The following ECT2L variants were observed in gnomAD, a reference collection of about 807,000 sequenced individuals.
ECT2L encodes the protein epithelial cell transforming 2 like.
In ECT2L, 126 loss-of-function variants were observed where a neutral mutation model predicts 122.8. The observed-to-expected ratio is 1.03, with a 90% CI of 0.89 to 1.19. The LOEUF (loss-of-function observed/expected upper bound fraction) is 1.19. Ranked by LOEUF, ECT2L falls within the 50% of genes most tolerant of loss-of-function variation. The pLI is 0.00. For synonymous variants in ECT2L, 385 were observed against 381.8 expected (o/e 1.01, Z -0.10); for missense variants, 1,012 against 1,064.1 (o/e 0.95, Z 0.68).
At chr6:138,837,524 A>G (rs1157857162) in intron 4 of ECT2L, among the ~76,000 whole-genome samples, 1 of 152,146 alleles carries the variant, frequency 6.6e-6, no homozygotes, top group African/African-American at 2.4e-5. Context: ...TGTCAAAAGA[A>G]GGATTAAATA....
At chr6:138,844,046 G>A (rs1240548099) in intron 6 of ECT2L, among the ~76,000 whole-genome samples, 1 of 152,186 alleles carries the variant, frequency 6.6e-6, no homozygotes, top group East Asian at 1.9e-4. Context: ...ACTGATTAGA[G>A]TTCTCCCATG....
chr6:138,844,322 A>G, intron 6 of ECT2L, 90 bp from the exon 7 acceptor site: 4 of 1,448,140 alleles, frequency 2.8e-6, no homozygotes, highest in Non-Finnish European at 3.8e-6. Context: ...TTGCCCTGGT[A>G]CAGCTTTATT....
Position 138,890,492 on chromosome 6 carries a change from C to CTTTTTTTTTTTTTTTTTTTT in ECT2L, c.2414+1470_2414+1489dup, listed in dbSNP as rs552594959. Among the ~76,000 whole-genome samples, 55 of 78,988 alleles carry CTTTTTTTTTTTTTTTTTTTT rather than the reference C, an allele frequency of 7.0e-4. 3 individuals are homozygous for CTTTTTTTTTTTTTTTTTTTT. The highest frequency in any genetic ancestry group is 1.0e-3 in the African/African-American group (18 of 18,012). The allele number at this position is 78,988 out of a possible 152,430, so 51.8% of individuals were successfully genotyped here. ...TCATGACATTTTTGTTTTCTTTGAT[C>CTTTTTTTTTTTTTTTTTTTT]TTTTTTTTTTTTTTTTTTTTTTTTT... is the stretch of plus-strand genomic sequence containing the variant. On this transcript the variant is annotated intron_variant, in intron 20 of 21. Coordinates refer to ENST00000541398, the MANE Select transcript of ECT2L (RefSeq NM_001077706.3).
intron 10 of ECT2L, among the ~76,000 whole-genome samples, chr6:138,858,555 A>G (rs1406844119): frequency 6.6e-6 from 1 of 152,120 alleles, no homozygotes; most frequent in Non-Finnish European, 1.5e-5. Context: ...AAGAAAAATC[A>G]AGAAAATGAA....
At chr6:138,832,148 A>G (rs968630283) in intron 4 of ECT2L, among the ~76,000 whole-genome samples, 3 of 150,004 alleles carry the variant, frequency 2.0e-5, no homozygotes, top group African/African-American at 7.3e-5. Flanking sequence ...TTTTCTCTTA[A>G]TTTCAAAAAC....
At chr6:138,867,020 G>A (rs1778064814) in intron 12 of ECT2L, among the ~76,000 whole-genome samples, 2 of 152,118 alleles carry the variant, frequency 1.3e-5, no homozygotes, top group Admixed American at 1.3e-4. Context: ...GTTTCAGTGA[G>A]CTGAGATCGC....
At chr6:138,897,751 G>A (rs1019417308) in intron 20 of ECT2L, among the ~76,000 whole-genome samples, 24 of 152,038 alleles carry the variant, frequency 1.6e-4, no homozygotes, top group African/African-American at 5.6e-4. Flanking sequence ...CTTGGATTAC[G>A]AAAGGCTCAA....
intron 10 of ECT2L, among the ~76,000 whole-genome samples, chr6:138,856,297 CT>C (rs1291211078): frequency 1.3e-5 from 2 of 150,152 alleles, no homozygotes; most frequent in Non-Finnish European, 3.0e-5. Context: ...TCACTGCAAC[CT>C]TCCGCCTCCC....
At position 138,903,373 on chromosome 6, in the gene ECT2L, A is replaced by G. The variant is rs1208005949; in HGVS notation, c.*746A>G. 1 of 143,318 alleles carries G rather than the reference A, an allele frequency of 7.0e-6. No individual in the cohort carries two copies. Among genetic ancestry groups the G allele is most frequent in the African/African-American group, 3.0e-5 (1 of 33,738 alleles). 8.9% of individuals were successfully genotyped at this position (143,318 alleles called of 1,614,324 possible). On this transcript the variant is annotated 3_prime_UTR_variant, in exon 22 of 22. Transcript: ENST00000541398. Reference sequence around the variant, plus strand: ...GAACCTCTGTCTCAAAAAAAAAAGAAAAAAAAAAGGACAAGAAATACAAAT... The same window carrying G: ...GAACCTCTGTCTCAAAAAAAAAAGAGAAAAAAAAGGACAAGAAATACAAAT...
chr6:138,888,312 CT>C (rs1158882314), intron 19 of ECT2L, among the ~76,000 whole-genome samples: 2 of 120,728 alleles, frequency 1.7e-5, no homozygotes, highest in East Asian at 5.3e-4. Flanking sequence ...ACTTCTTTTT[CT>C]TTTCTTTTTT....
intron 13 of ECT2L, among the ~76,000 whole-genome samples, chr6:138,869,569 T>C (rs1166434990): frequency 6.6e-6 from 1 of 152,208 alleles, no homozygotes; most frequent in African/African-American, 2.4e-5. Flanking sequence ...TTGGCGAGCC[T>C]TGCTGATAAA....
chr6:138,883,459 C>T (rs1441979037), intron 16 of ECT2L, among the ~76,000 whole-genome samples: 2 of 152,162 alleles, frequency 1.3e-5, no homozygotes, highest in Non-Finnish European at 2.9e-5. Context: ...CTCTTTCTTC[C>T]CTCCTCAATT....
intron 13 of ECT2L, among the ~76,000 whole-genome samples, chr6:138,874,431 AG>A (rs1778370253): frequency 6.6e-6 from 1 of 152,218 alleles, no homozygotes; most frequent in African/African-American, 2.4e-5. Context: ...ATATAAAATG[AG>A]TGAACTTGCC....
chr6:138,865,301 A>G (rs958292271), intron 12 of ECT2L, 123 bp downstream of exon 12: 5 of 924,826 alleles, frequency 5.4e-6, no homozygotes, highest in African/African-American at 1.7e-5. Context: ...GTAAAATTTT[A>G]TCTCCTAGGT....
At chr6:138,847,173 G>A (rs374214627) in intron 8 of ECT2L, among the ~76,000 whole-genome samples, 2 of 151,356 alleles carry the variant, frequency 1.3e-5, no homozygotes, top group African/African-American at 2.4e-5. Context: ...GGGAGAGTGA[G>A]GCATGAGAAT....
In ECT2L at chr6:138,806,176, T is replaced by C. The variant is rs138684644; in HGVS notation, c.-243-6662T>C. On this transcript the variant is annotated intron_variant, in intron 1 of 21. Transcript: ENST00000541398. ...GAGACCTGTGAGCTCAAAAGACACA[T>C]TATCTGTTTCCCCAGACACCCAGCT... Among the ~76,000 whole-genome samples, 232 of 152,314 alleles carry C rather than the reference T, an allele frequency of 1.5e-3. 3 individuals are homozygous for C. Among genetic ancestry groups the C allele is most frequent in the South Asian group, 6.0e-3 (29 of 4,830 alleles).
intron 9 of ECT2L, among the ~76,000 whole-genome samples, chr6:138,853,746 C>G (rs746619646): frequency 9.9e-5 from 15 of 152,118 alleles, no homozygotes; most frequent in Non-Finnish European, 1.5e-4. Context: ...CCCCCTAAAC[C>G]CTGCATGCGC....
intron 1 of ECT2L, among the ~76,000 whole-genome samples, chr6:138,803,660 T>C (rs1775618158): frequency 6.6e-6 from 1 of 152,234 alleles, no homozygotes; most frequent in Admixed American, 6.5e-5. Flanking sequence ...CACATTACTG[T>C]CTGGCTTTAC....
At chr6:138,833,689 C>T (rs1360557693) in intron 4 of ECT2L, among the ~76,000 whole-genome samples, 1 of 152,106 alleles carries the variant, frequency 6.6e-6, no homozygotes, top group Non-Finnish European at 1.5e-5. Flanking sequence ...GTAATCCCAG[C>T]TGCTCAGGAG....
Sources: gnomAD v4.1 joint callset for allele counts (sites outside exome capture counted in the v4.1 genomes callset) on GRCh38, gnomAD v4.1.1 for gene constraint, MANE v1.5 for transcripts, NCBI Gene and HGNC (gene_info 2026-07-23, HGNC 2026-07-21) for gene names.